The following PDAP1 variants were observed in gnomAD, a reference collection of about 807,000 sequenced individuals.
PDAP1 encodes 28 kDa heat- and acid-stable phosphoprotein.
Under a neutral mutation model 28.0 loss-of-function variants are expected in PDAP1, and 13 were observed. The ratio of observed to expected loss-of-function variants is 0.46; its 90% CI spans 0.30 to 0.74. The LOEUF (loss-of-function observed/expected upper bound fraction) is 0.74, where lower values mean the gene tolerates loss of function less well. Ranked by LOEUF, PDAP1 falls within the 30% of genes least tolerant of loss-of-function variation. PDAP1 has a pLI of 0.07. For missense variants in PDAP1, 150 were observed against 230.0 expected, an observed-to-expected ratio of 0.65 and a Z score of 2.25; for synonymous variants, 77 against 85.1, an observed-to-expected ratio of 0.91 and a Z score of 0.52.
Position 99,404,930 on chromosome 7 carries a change from G to A in PDAP1, c.37C>T (p.Arg13Trp), listed in dbSNP as rs1176512899. 10 of 1,613,778 alleles carry A rather than the reference G, an allele frequency of 6.2e-6. No individual in the cohort carries two copies. The highest frequency in any genetic ancestry group is 1.3e-5 in the African/African-American group (1 of 75,022). ...KGGRKGGHKG[R>W]ARQYTSPEEI... ...TCAGGGCTTGTATACTGCCTCGCCC[G>A]GCCTTTGTGGCCTCCCTTTCTTCCT... is the stretch of plus-strand genomic sequence containing the variant. The change falls in exon 2 of 6, where the codon CGG becomes TGG. Residue 13 changes from arginine (R) to tryptophan (W), a missense_variant. Physicochemically the swap from Arg to Trp is moderately radical, Grantham distance 101. Transcript: ENST00000350498.
chr7:99,400,534 C>T (rs1224657316), intron 3 of PDAP1, 110 bp from the exon 4 acceptor site: 2 of 1,217,508 alleles, frequency 1.6e-6, no homozygotes, highest in African/African-American at 1.5e-5. Context: ...ACTCCTGCTC[C>T]ACCCCAGCCC....
At position 99,396,158 on chromosome 7, in the gene PDAP1, G is replaced by A. The variant is rs1229444057; in HGVS notation, c.*524C>T. ...GAACCGGGCAGGGAAGGGCAGAGAG[G>A]TGAGGCCCTGAGGTCAGTCAGACAG... On this transcript the variant is annotated 3_prime_UTR_variant, in exon 6 of 6. Transcript: ENST00000350498. 6.0e-6 allele frequency: 1 copy of A among 166,774 alleles called. No homozygotes were observed. Among genetic ancestry groups the A allele is most frequent in the Admixed American group, 5.7e-5 (1 of 17,514 alleles). The allele number at this position is 166,774 out of a possible 1,614,324, so 10.3% of individuals were successfully genotyped here.
Position 99,396,591 on chromosome 7 carries a change from G to A in PDAP1, c.*91C>T. 1.0e-6 allele frequency: 1 copy of A among 979,498 alleles called. No homozygotes were observed. Among genetic ancestry groups the A allele is most frequent in the Non-Finnish European group, 1.6e-6 (1 of 630,814 alleles). The allele number at this position is 979,498 out of a possible 1,614,324, so 60.7% of individuals were successfully genotyped here. A position where few individuals can be genotyped will look rare whatever the true frequency, so the allele number is the denominator to read the frequency against. On this transcript the variant is annotated 3_prime_UTR_variant, in exon 6 of 6. Transcript: ENST00000350498. ...GGGCTCCTGGCCATGAGGGGCTGTT[G>A]CAGCGGCGCCAGGGCACAGGGTGGG...
intron 2 of PDAP1, among the ~76,000 whole-genome samples, chr7:99,403,922 T>C (rs1365722355): frequency 6.6e-6 from 1 of 151,466 alleles, no homozygotes; most frequent in Non-Finnish European, 1.5e-5. Flanking sequence ...CCCAGGCGAG[T>C]CCTCTCCGCA....
At chr7:99,408,471 G>T (rs905440365) in intron 1 of PDAP1, 65 bp downstream of exon 1, 2 of 1,323,884 alleles carry the variant, frequency 1.5e-6, no homozygotes, top group African/African-American at 3.1e-5. Context: ...CGGGCTGAGG[G>T]GACAGCGGAA....
Position 99,408,553 on chromosome 7 carries a change from G to A in PDAP1, c.-5C>T. ...CCCCTCACCTCCTTTAGGCATTGCG[G>A]CTCCGGCGGCTGCGGCGGCGGCGGC... is the stretch of plus-strand genomic sequence containing the variant. On this transcript the variant is annotated 5_prime_UTR_variant, in exon 1 of 6. Coordinates refer to ENST00000350498, the MANE Select transcript of PDAP1 (RefSeq NM_014891.7). The A allele has an allele frequency of 1.6e-6, 2 of 1,277,334 alleles. No individual in the cohort carries two copies. The highest frequency in any genetic ancestry group is 2.0e-6 in the Non-Finnish European group (2 of 1,009,606). The allele number at this position is 1,277,334 out of a possible 1,614,324, so 79.1% of individuals were successfully genotyped here.
chr7:99,394,911 C>A lies in PDAP1; in HGVS notation c.*1771G>T. The stretch of plus-strand genomic sequence containing the variant: ...AGAACTCGTGGGAGCAATCCTTCTG[C>A]CTCAGCCTCCCAAGTAGCTGGGACT... On this transcript the variant is annotated 3_prime_UTR_variant, in exon 6 of 6. Transcript: ENST00000350498. 1 of 919,534 alleles carries A rather than the reference C, an allele frequency of 1.1e-6. No homozygotes were observed. The highest frequency in any genetic ancestry group is 1.4e-6 in the Non-Finnish European group (1 of 714,882). 57.0% of individuals were successfully genotyped at this position (919,534 alleles called of 1,614,324 possible). A position where few individuals can be genotyped will look rare whatever the true frequency, so the allele number is the denominator to read the frequency against.
chr7:99,394,948 T>C lies in PDAP1; in HGVS notation c.*1734A>G, dbSNP rs541882573. The C allele has an allele frequency of 2.0e-4, 119 of 594,010 alleles. No individual in the cohort carries two copies. Among genetic ancestry groups the C allele is most frequent in the African/African-American group, 1.8e-3 (89 of 50,668 alleles). The allele number at this position is 594,010 out of a possible 1,614,324, so 36.8% of individuals were successfully genotyped here. On this transcript the variant is annotated 3_prime_UTR_variant, in exon 6 of 6. Coordinates refer to ENST00000350498, the MANE Select transcript of PDAP1 (RefSeq NM_014891.7). ...AAGTAGCTGGGACTCCAGGGAGAGA[T>C]TGGTGTTTGCACGGCCATAGGTAGA...
chr7:99,405,923 G>A (rs1794963263), intron 1 of PDAP1, among the ~76,000 whole-genome samples: 1 of 152,174 alleles, frequency 6.6e-6, no homozygotes, highest in South Asian at 2.1e-4. Context: ...GAAAGCTGCT[G>A]GAACAGTGCC....
At position 99,404,843 on chromosome 7, in the gene PDAP1, T is replaced by C; in HGVS notation, c.105+19A>G. 1 of 1,603,808 alleles carries C rather than the reference T, an allele frequency of 6.2e-7. No homozygotes were observed. The highest frequency in any genetic ancestry group is 2.2e-5 in the East Asian group (1 of 44,846). Reference sequence around the variant, plus strand: ...GCCACCCTGGGCCACTGGCGTGGCCTGGACAGGCACGTACTCACCCTGGCC... The same window carrying C: ...GCCACCCTGGGCCACTGGCGTGGCCCGGACAGGCACGTACTCACCCTGGCC... On this transcript the variant is annotated intron_variant, in intron 2 of 5. Transcript: ENST00000350498.
At position 99,396,504 on chromosome 7, in the gene PDAP1, C is replaced by A. The variant is rs1256459638; in HGVS notation, c.*178G>T. 31 of 109,380 alleles carry A rather than the reference C, an allele frequency of 2.8e-4. No individual in the cohort carries two copies. The highest frequency in any genetic ancestry group is 6.1e-4 in the African/African-American group (1 of 1,636). 6.8% of individuals were successfully genotyped at this position (109,380 alleles called of 1,614,324 possible). The stretch of plus-strand genomic sequence containing the variant: ...AGATAGCAGCTACCCCTCCCCCAGT[C>A]CCCCCCCCCATCCCCCAAACAATTT... On this transcript the variant is annotated 3_prime_UTR_variant, in exon 6 of 6. Coordinates refer to ENST00000350498, the MANE Select transcript of PDAP1 (RefSeq NM_014891.7).
rs376528383 is a variant in PDAP1, at chr7:99,400,352, C to T, written c.286G>A (p.Val96Ile). The change falls in exon 4 of 6, where the codon GTC becomes ATC. Residue 96 changes from valine (V) to isoleucine (I), a missense_variant. Val to Ile is a conservative substitution (Grantham distance 29, BLOSUM62 3). Transcript: ENST00000350498. ...PNRVAQTTKK[V>I]TQLDLDGPKE... is the part of the protein sequence containing the mutation. The stretch of plus-strand genomic sequence containing the variant: ...GGCCCGTCCAGATCCAGTTGTGTGA[C>T]CTTTTTGGTTGTCTGTGCCACCCGG... The T allele has an allele frequency of 6.2e-7, 1 of 1,614,010 alleles. No individual in the cohort carries two copies. Among genetic ancestry groups the T allele is most frequent in the East Asian group, 2.2e-5 (1 of 44,880 alleles).
At chr7:99,398,351 C>A (rs1794804171) in intron 4 of PDAP1, among the ~76,000 whole-genome samples, 1 of 152,282 alleles carries the variant, frequency 6.6e-6, no homozygotes, top group East Asian at 1.9e-4. Flanking sequence ...CAAGAGTGTT[C>A]CAGAGAAGAT....
At chr7:99,398,409 G>C (rs1250674061) in intron 4 of PDAP1, among the ~76,000 whole-genome samples, 1 of 152,240 alleles carries the variant, frequency 6.6e-6, no homozygotes, top group Non-Finnish European at 1.5e-5. Flanking sequence ...AAGGAAGGAA[G>C]GGCTGGGCAT....
At chr7:99,398,135 G>T in intron 4 of PDAP1, 122 bp from the exon 5 acceptor site, 1 of 1,052,848 alleles carries the variant, frequency 9.5e-7, no homozygotes, top group Non-Finnish European at 1.4e-6. Flanking sequence ...TGCCCTGGCT[G>T]TGAGTCCCTG....
At chr7:99,404,700 A>G (rs2150907319) in intron 2 of PDAP1, among the ~76,000 whole-genome samples, 162 bp downstream of exon 2, 1 of 152,236 alleles carries the variant, frequency 6.6e-6, no homozygotes, top group African/African-American at 2.4e-5. Flanking sequence ...CCTGACTGTC[A>G]TTGGTTGTTC....
chr7:99,402,621 G>A (rs1243930618), intron 3 of PDAP1, among the ~76,000 whole-genome samples: 2 of 145,756 alleles, frequency 1.4e-5, no homozygotes, highest in Non-Finnish European at 3.0e-5. Context: ...AGTGGCTCAC[G>A]CTTATAATCC....
In PDAP1 at chr7:99,397,825, T is replaced by G. The variant is rs543107105; in HGVS notation, c.487+37A>C. On this transcript the variant is annotated intron_variant, in intron 5 of 5. Transcript: ENST00000350498. The stretch of plus-strand genomic sequence containing the variant: ...CTTTGTGGCTGGCCCAGGACCAGAG[T>G]TGGGGCCTGTCCCTGCGTGCGCAGC... 2.5e-6 allele frequency: 4 copies of G among 1,604,298 alleles called. No individual in the cohort carries two copies. The East Asian group carries it at 6.7e-5, about 27-fold the overall frequency.
chr7:99,397,701 G>A (rs1794793597), intron 5 of PDAP1, among the ~76,000 whole-genome samples, 161 bp downstream of exon 5: 1 of 152,176 alleles, frequency 6.6e-6, no homozygotes, highest in Non-Finnish European at 1.5e-5. Flanking sequence ...CCGAGGGAGT[G>A]GCAGGCACAG....
Sources: gnomAD v4.1 joint callset for allele counts (sites outside exome capture counted in the v4.1 genomes callset) on GRCh38, gnomAD v4.1.1 for gene constraint, MANE v1.5 for transcripts, NCBI Gene and HGNC (gene_info 2026-07-23, HGNC 2026-07-21) for gene names.